The following NEB variants were observed in gnomAD, a reference collection of about 807,000 sequenced individuals.
NEB encodes nemaline myopathy type 2.
In NEB, 512 loss-of-function variants were observed where a neutral mutation model predicts 952.2. The ratio of observed to expected loss-of-function variants is 0.54; its 90% confidence interval spans 0.50 to 0.58. NEB has a LOEUF of 0.58. Among genes scored for constraint, NEB ranks in the 20% least tolerant of loss-of-function variants. The pLI is 0.00. For missense variants in NEB, 8,428 were observed against 9,231.1 expected (o/e 0.91, Z 3.56); for synonymous variants, 2,900 against 3,149.8 (o/e 0.92, Z 2.66).
At chr2:151,705,477 G>T (rs771754006) in intron 13 of NEB, among the ~76,000 whole-genome samples, 7 of 152,116 alleles carry the variant, frequency 4.6e-5, no homozygotes, top group Non-Finnish European at 1.0e-4. Flanking sequence ...CTATGGGTGG[G>T]AATATAAATT....
At chr2:151,530,190 C>G (rs1441557380) in intron 145 of NEB, among the ~76,000 whole-genome samples, 1 of 152,050 alleles carries the variant, frequency 6.6e-6, no homozygotes, top group African/African-American at 2.4e-5. Flanking sequence ...AATCATTCTG[C>G]CTTTTAAAAA....
rs2153660059 is a variant in NEB, at chr2:151,553,875, A to G, written c.19579T>C (p.Leu6527=). The change falls in exon 126 of 182, where the codon TTG becomes CTG. Residue 6527 remains leucine, a synonymous_variant. Coordinates refer to ENST00000397345, the MANE Select transcript of NEB (RefSeq NM_001164508.2). ...TTCCTGACGTGATCATTGACTTGCA[A>G]GTCGGGGTGGCAAATCCATTCGTGG... The part of the protein sequence containing the change: ...RLHEWICHPD[L]QVNDHVRKVT... 1 of 1,613,712 alleles carries G rather than the reference A, an allele frequency of 6.2e-7. No individual in the cohort carries two copies. The highest frequency in any genetic ancestry group is 1.3e-5 in the African/African-American group (1 of 75,034).
At chr2:151,728,618 A>C (rs1216801748) in intron 4 of NEB, among the ~76,000 whole-genome samples, 3 of 152,156 alleles carry the variant, frequency 2.0e-5, no homozygotes, top group Non-Finnish European at 4.4e-5. Context: ...AGAAATTACT[A>C]TTTCTTACAG....
At chr2:151,707,963 A>G (rs1211439047) in intron 12 of NEB, among the ~76,000 whole-genome samples, 3 of 152,184 alleles carry the variant, frequency 2.0e-5, no homozygotes, top group African/African-American at 7.2e-5. Flanking sequence ...TGAAAAATGG[A>G]AACGACCAGA....
At chr2:151,658,999 T>C (rs1033281453) in intron 47 of NEB, 66 bp downstream of exon 47, 1 of 1,092,588 alleles carries the variant, frequency 9.2e-7, no homozygotes, top group Non-Finnish European at 1.4e-6. Flanking sequence ...GAGATATTAA[T>C]TAATTTGTTC....
In NEB at chr2:151,485,925, G is replaced by A. The variant is rs2152621085; in HGVS notation, c.25413C>T (p.Phe8471=). 3 of 1,613,714 alleles carry A rather than the reference G, an allele frequency of 1.9e-6. No homozygotes were observed. Among genetic ancestry groups the A allele is most frequent in the Non-Finnish European group, 2.5e-6 (3 of 1,179,760 alleles). Residue 8471 remains phenylalanine, a synonymous_variant, in exon 182 of 182, where the codon TTC becomes TTT. Transcript: ENST00000397345. ...CAGCCATATAGTCATACATGGCACG[G>A]AAGATTTTCTATTCGTGGGGATGGA... The part of the protein sequence containing the change: ...PSHPSTAGKI[F]RAMYDYMAAD...
intron 74 of NEB, among the ~76,000 whole-genome samples, chr2:151,617,676 T>C (rs1425608611): frequency 6.6e-6 from 1 of 152,132 alleles, no homozygotes; most frequent in East Asian, 1.9e-4. Context: ...AAAAGTATAA[T>C]TGGATTGAAG....
intron 63 of NEB, among the ~76,000 whole-genome samples, chr2:151,638,428 G>T (rs969549776): frequency 6.6e-6 from 1 of 151,328 alleles, no homozygotes; most frequent in South Asian, 2.1e-4. Context: ...AGGTGAACCT[G>T]GGGTGAAGGT....
At chr2:151,652,265 G>A (rs1052913733) in intron 52 of NEB, among the ~76,000 whole-genome samples, 11 of 152,108 alleles carry the variant, frequency 7.2e-5, no homozygotes, top group African/African-American at 2.7e-4. Flanking sequence ...TGGCTCTGTT[G>A]CCCAGGCTGG....
intron 52 of NEB, 42 bp from the exon 53 acceptor site, chr2:151,650,927 C>A: frequency 6.6e-7 from 1 of 1,504,752 alleles, no homozygotes. Flanking sequence ...ACACAAAGGC[C>A]AAGTTAAGCT....
At chr2:151,656,059 T>C (rs966608997) in intron 49 of NEB, 36 bp from the exon 50 acceptor site, 2 of 1,602,702 alleles carry the variant, frequency 1.2e-6, no homozygotes, top group Non-Finnish European at 1.7e-6. Flanking sequence ...CTTTATCTTA[T>C]CCATTTAGAC....
chr2:151,514,556 A>G, intron 158 of NEB, 128 bp from the exon 159 acceptor site: 1 of 767,046 alleles, frequency 1.3e-6, no homozygotes, highest in Non-Finnish European at 2.3e-6. Context: ...AAATATGAAT[A>G]CAGGCAGGGT....
intron 107 of NEB, among the ~76,000 whole-genome samples, chr2:151,573,874 T>C (rs73967569): frequency 0.038 from 5,837 of 152,262 alleles, 312 homozygotes; most frequent in East Asian, 0.15. Flanking sequence ...TTTTCCTCAG[T>C]TGATTCTCTT....
chr2:151,617,487 AAGAG>A lies in NEB; in HGVS notation c.11077-23_11077-20del, dbSNP rs369065019. On this transcript the variant is annotated intron_variant, in intron 74 of 181. Coordinates refer to ENST00000397345, the MANE Select transcript of NEB (RefSeq NM_001164508.2). ...ATAAGCGCTACAAAAAAAAAAAAAAAAGAGAGAGAGAGAGAGAAAAATTATTTTG... is the reference window on the plus strand; with the variant it reads ...ATAAGCGCTACAAAAAAAAAAAAAAAAGAGAGAGAGAGAAAAATTATTTTG... 368 of 1,036,106 alleles carry A rather than the reference AAGAG, an allele frequency of 3.6e-4. No homozygotes were observed. Among genetic ancestry groups the A allele is most frequent in the East Asian group, 1.9e-3 (67 of 34,512 alleles). 64.2% of individuals were successfully genotyped at this position (1,036,106 alleles called of 1,614,324 possible). A position where few individuals can be genotyped will look rare whatever the true frequency, so the allele number is the denominator to read the frequency against.
chr2:151,616,542 T>C (rs993615483), intron 75 of NEB, among the ~76,000 whole-genome samples: 2 of 151,892 alleles, frequency 1.3e-5, no homozygotes, highest in Non-Finnish European at 2.9e-5. Flanking sequence ...AAAAATACAA[T>C]AATTAACTGG....
Position 151,535,779 on chromosome 2 carries a change from A to G in NEB, c.21224T>C (p.Val7075Ala). The G allele has an allele frequency of 6.3e-7, 1 of 1,586,802 alleles. No individual in the cohort carries two copies. Among genetic ancestry groups the G allele is most frequent in the Non-Finnish European group, 8.6e-7 (1 of 1,163,018 alleles). Residue 7075 changes from valine to alanine, a missense_variant, in exon 142 of 182, where the codon GTA (valine) becomes GCA (alanine). Coordinates refer to ENST00000397345, the MANE Select transcript of NEB (RefSeq NM_001164508.2). Reference sequence around the variant, plus strand: ...GAAATCTGACTTTGTCCTTTCAAATACTTCTTTATACTTATACTAGAAAAA... The same window carrying G: ...GAAATCTGACTTTGTCCTTTCAAATGCTTCTTTATACTTATACTAGAAAAA... ...TLYSKYKYKEVFERTKSDFKY... is the reference protein window; with the variant it reads ...TLYSKYKYKEAFERTKSDFKY...
chr2:151,499,920 T>C (rs537095240), intron 168 of NEB, among the ~76,000 whole-genome samples: 2 of 152,168 alleles, frequency 1.3e-5, no homozygotes, highest in South Asian at 4.1e-4. Flanking sequence ...CTGGGCAATT[T>C]TGCCTAAATG....
At position 151,678,243 on chromosome 2, in the gene NEB, ACAATGAGGC is replaced by A. The variant is rs1158313799; in HGVS notation, c.3256-65_3256-57del. ...AATGTAGTTTTGAGGGCTTTACTAA[ACAATGAGGC>A]CATGATTTGAAGTAATTGAGCTTCC... On this transcript the variant is annotated intron_variant, in intron 32 of 181. Transcript: ENST00000397345. 4.5e-6 allele frequency: 5 copies of A among 1,121,512 alleles called. No homozygotes were observed. The African/African-American group carries it at 7.8e-5, about 17-fold the overall frequency. 69.5% of individuals were successfully genotyped at this position (1,121,512 alleles called of 1,614,324 possible).
chr2:151,664,378 G>A, intron 44 of NEB, 123 bp downstream of exon 44: 1 of 645,210 alleles, frequency 1.5e-6, no homozygotes, highest in Non-Finnish European at 2.6e-6. Flanking sequence ...GGTGTCTTGT[G>A]TCACATGGGA....
Sources: allele counts gnomAD v4.1 joint callset (sites outside exome capture counted in the v4.1 genomes callset), GRCh38; gene constraint gnomAD v4.1.1; transcripts MANE v1.5; gene names NCBI Gene and HGNC (gene_info 2026-07-23, HGNC 2026-07-21).